PTBP2: variants seen among roughly 807,000 people sequenced by gnomAD.
PTBP2 encodes the protein polypyrimidine tract binding protein 2.
A neutral mutation model predicts 61.4 loss-of-function variants in PTBP2; 13 were observed. That is an observed-to-expected ratio of 0.21 (90% CI 0.14 to 0.34). The LOEUF is 0.34. Ranked by LOEUF, PTBP2 falls within the 10% of genes least tolerant of loss-of-function variation. PTBP2 has a pLI of 1.00. For synonymous variants in PTBP2, 215 were observed against 218.5 expected (o/e 0.98, Z 0.14); for missense variants, 405 against 642.6 (o/e 0.63, Z 4.00).
At chr1:96,769,944 A>C in intron 4 of PTBP2, 69 bp downstream of exon 4, 1 of 1,235,518 alleles carries the variant, frequency 8.1e-7, no homozygotes, top group Non-Finnish European at 1.1e-6. Flanking sequence ...TTAATTGTAA[A>C]AGGGAGAAAA....
downstream of PTBP2, chr1:96,816,943 G>A (rs978616257): frequency 6.6e-6 from 1 of 152,058 alleles, no homozygotes; most frequent in African/African-American, 2.4e-5. Context: ...ATCCTAATAT[G>A]TCTTTTTGCT....
chr1:96,768,132 T>G (rs1405484189), intron 3 of PTBP2, among the ~76,000 whole-genome samples: 1 of 152,046 alleles, frequency 6.6e-6, no homozygotes, highest in African/African-American at 2.4e-5. Flanking sequence ...AAAGTAACTT[T>G]TAAGCACATC....
At chr1:96,742,502 C>CA (rs1653168491) in intron 2 of PTBP2, among the ~76,000 whole-genome samples, 1 of 152,004 alleles carries the variant, frequency 6.6e-6, no homozygotes, top group South Asian at 2.1e-4. Flanking sequence ...TTTGTCTTGT[C>CA]ACAGAATTTA....
In PTBP2 at chr1:96,777,611, G is replaced by A. The variant is rs1385262839; in HGVS notation, c.459G>A (p.Val153=). The A allele has an allele frequency of 6.2e-7, 1 of 1,611,002 alleles. No individual in the cohort carries two copies. The highest frequency in any genetic ancestry group is 8.5e-7 in the Non-Finnish European group (1 of 1,178,850). ...GTGCTCAGGCAGTTCTTCAAGCTGT[G>A]ACAGCTGTCCAGACAGCAAATACTC... ...NQRAQAVLQA[V]TAVQTANTPL... Residue 153 remains valine, a synonymous_variant, in exon 6 of 14, where the codon GTG becomes GTA. Transcript: ENST00000674951.
At chr1:96,763,515 C>T (rs1054443841) in intron 3 of PTBP2, among the ~76,000 whole-genome samples, 3 of 146,822 alleles carry the variant, frequency 2.0e-5, no homozygotes, top group Admixed American at 6.8e-5. Flanking sequence ...TGCAGTGAGT[C>T]GAGATGGCAG....
At chr1:96,786,149 ATAAT>A (rs1268421961) in intron 8 of PTBP2, among the ~76,000 whole-genome samples, 1 of 152,164 alleles carries the variant, frequency 6.6e-6, no homozygotes, top group Non-Finnish European at 1.5e-5. Flanking sequence ...AAAAAATAGT[ATAAT>A]TAAGTAGTTA....
intron 2 of PTBP2, among the ~76,000 whole-genome samples, chr1:96,744,749 C>T (rs1481610026): frequency 6.6e-6 from 1 of 152,136 alleles, no homozygotes; most frequent in Non-Finnish European, 1.5e-5. Context: ...ATAATGTGAT[C>T]ATCTTAATCT....
At chr1:96,795,084 A>T (rs747273780) in intron 8 of PTBP2, among the ~76,000 whole-genome samples, 1 of 152,164 alleles carries the variant, frequency 6.6e-6, no homozygotes, top group Non-Finnish European at 1.5e-5. Context: ...TTTTCAGGTT[A>T]TGAAAGCGGG....
intron 11 of PTBP2, among the ~76,000 whole-genome samples, chr1:96,811,452 C>T (rs988498436): frequency 1.1e-4 from 17 of 152,132 alleles, no homozygotes; most frequent in African/African-American, 3.4e-4. Flanking sequence ...GAGTCTCGCT[C>T]TGTCACCCAG....
chr1:96,722,198 C>T (rs1202866322), intron 1 of PTBP2, among the ~76,000 whole-genome samples: 1 of 152,084 alleles, frequency 6.6e-6, no homozygotes, highest in Non-Finnish European at 1.5e-5. Flanking sequence ...TCCCTGCCCC[C>T]TCTAGGAGCC....
At position 96,813,425 on chromosome 1, in the gene PTBP2, G is replaced by C. The variant is rs200501093; in HGVS notation, c.*20G>C. On this transcript the variant is annotated 3_prime_UTR_variant, in exon 14 of 14. Coordinates refer to ENST00000674951, the MANE Select transcript of PTBP2 (RefSeq NM_021190.4). ...ATTTAAAAATGGGAAGATGAAGATT[G>C]GGGGTGAATCACATTGTTCAATGTC... The C allele has an allele frequency of 1.9e-6, 3 of 1,564,946 alleles. No homozygotes were observed. In the African/African-American group the frequency reaches 4.1e-5, roughly 22 times the overall value.
intron 2 of PTBP2, 46 bp downstream of exon 2, chr1:96,723,640 C>T (rs771215613): frequency 1.3e-6 from 2 of 1,497,444 alleles, no homozygotes; most frequent in African/African-American, 2.7e-5. Context: ...GATCTATTAT[C>T]ATAATTACTG....
intron 4 of PTBP2, 65 bp from the exon 5 acceptor site, chr1:96,770,643 G>A: frequency 1.5e-6 from 2 of 1,302,922 alleles, no homozygotes; most frequent in Non-Finnish European, 2.2e-6. Flanking sequence ...CATCTGAATA[G>A]ATTGCTTAGA....
chr1:96,778,412 G>A (rs2101045930), intron 7 of PTBP2, among the ~76,000 whole-genome samples: 1 of 151,524 alleles, frequency 6.6e-6, no homozygotes, highest in Admixed American at 6.6e-5. Context: ...TTATGAATAG[G>A]TTTCTAGTCA....
chr1:96,761,217 G>T (rs7548031), intron 3 of PTBP2, among the ~76,000 whole-genome samples: 88,205 of 151,992 alleles, frequency 0.58, 26,254 homozygotes, highest in African/African-American at 0.71. Flanking sequence ...AAATCCAAAA[G>T]TTGTTTGAAG....
At chr1:96,820,263 T>A (rs570639611) in exon 14 of PTBP2, 1 of 152,222 alleles carries the variant, frequency 6.6e-6, no homozygotes, top group South Asian at 2.1e-4. Context: ...CCTAAGATCA[T>A]TTTGATGTCT....
At chr1:96,737,258 G>C (rs554407882) in intron 2 of PTBP2, among the ~76,000 whole-genome samples, 1 of 152,076 alleles carries the variant, frequency 6.6e-6, no homozygotes, top group Non-Finnish European at 1.5e-5. Flanking sequence ...GAGCCACTGC[G>C]ACCGGCCCAC....
exon 14 of PTBP2, chr1:96,820,052 C>G (rs1432032997): frequency 6.6e-6 from 1 of 151,802 alleles, no homozygotes; most frequent in Non-Finnish European, 1.5e-5. Flanking sequence ...TACACTTTTA[C>G]TCTGGAAAAA....
At chr1:96,773,123 C>CAAAAA (rs563241972) in intron 5 of PTBP2, among the ~76,000 whole-genome samples, 2 of 88,264 alleles carry the variant, frequency 2.3e-5, no homozygotes, top group Non-Finnish European at 4.3e-5. Flanking sequence ...GACTCTATCT[C>CAAAAA]AAAAAAAAAA....
Sources: allele counts gnomAD v4.1 joint callset (sites outside exome capture counted in the v4.1 genomes callset), GRCh38; gene constraint gnomAD v4.1.1; transcripts MANE v1.5; gene names NCBI Gene and HGNC (gene_info 2026-07-23, HGNC 2026-07-21).